TNK2: variants seen among roughly 807,000 people sequenced by gnomAD.
The protein encoded by TNK2 is tyrosine kinase non receptor 2.
TNK2 carries 83 observed loss-of-function variants against 101.8 expected under a neutral mutation model. The ratio of observed to expected loss-of-function variants is 0.82; its 90% CI spans 0.68 to 0.98. The LOEUF is 0.98. Among genes scored for constraint, TNK2 ranks in the 50% least tolerant of loss-of-function variants. TNK2 has a pLI of 0.00. For missense variants in TNK2, 1,665 were observed against 1,483.2 expected, an observed-to-expected ratio of 1.12 and a Z score of -2.01; for synonymous variants, 804 against 633.0, an observed-to-expected ratio of 1.27 and a Z score of -4.06.
chr3:195,867,170 T>C lies in TNK2; in HGVS notation c.3032A>G (p.Lys1011Arg). Reference sequence around the variant, plus strand: ...AGAGTGAGCAGGAGGTGGCGGTACCTTCAGATACTGGGCAGCCCTCTGCAC... The same window carrying C: ...AGAGTGAGCAGGAGGTGGCGGTACCCTCAGATACTGGGCAGCCCTCTGCAC... Reference protein sequence around the residue: ...WSVQRAAQYLKVEQLFGLGLR... With the variant: ...WSVQRAAQYLRVEQLFGLGLR... Residue 1011 changes from lysine to arginine, a missense_variant and splice_region_variant, in exon 14 of 16, where the codon AAG becomes AGG. Lys to Arg is a conservative substitution (Grantham distance 26). Coordinates refer to ENST00000672887, the MANE Select transcript of TNK2 (RefSeq NM_001382273.1). The C allele has an allele frequency of 6.2e-7, 1 of 1,612,726 alleles. No individual in the cohort carries two copies. The highest frequency in any genetic ancestry group is 8.5e-7 in the Non-Finnish European group (1 of 1,179,850).
intron 10 of TNK2, among the ~76,000 whole-genome samples, chr3:195,870,755 C>G (rs1744561467): frequency 6.6e-6 from 1 of 152,250 alleles, no homozygotes; most frequent in East Asian, 1.9e-4. Flanking sequence ...GCTGGGCTGG[C>G]CACAGCATGC....
Position 195,885,711 on chromosome 3 carries a change from G to C in TNK2, c.235-678C>G. ...GAAGGAAAAGTGGAGGAGACTCGGAGGCCAGGGTGGACAGGGAGGAGCCGA... is the reference window on the plus strand; with the variant it reads ...GAAGGAAAAGTGGAGGAGACTCGGACGCCAGGGTGGACAGGGAGGAGCCGA... On this transcript the variant is annotated intron_variant, in intron 3 of 15. Coordinates refer to ENST00000672887, the MANE Select transcript of TNK2 (RefSeq NM_001382273.1). The surrounding 1 kb of genome is among the most constrained non-coding windows in gnomAD (Gnocchi z 4.7). The C allele has an allele frequency of 1.5e-6, 1 of 646,668 alleles. No homozygotes were observed. The highest frequency in any genetic ancestry group is 2.7e-5 in the Admixed American group (1 of 36,370). 40.1% of individuals were successfully genotyped at this position (646,668 alleles called of 1,614,324 possible).
In TNK2 at chr3:195,905,441, C is replaced by T. The variant is rs190447348; in HGVS notation, c.-19+3044G>A. 7.8e-4 allele frequency among the ~76,000 whole-genome samples: 118 copies of T among 152,124 alleles called. 1 individual carries two copies. The highest frequency in any genetic ancestry group is 1.1e-3 in the Non-Finnish European group (73 of 67,992). ...GCCTTGAACTCCTGACCTCATGATC[C>T]GCCCGCCTCAGCCTCCCAAAGCACT... On this transcript the variant is annotated intron_variant, in intron 1 of 15. Coordinates refer to ENST00000672887, the MANE Select transcript of TNK2 (RefSeq NM_001382273.1).
rs113728103 is a variant in TNK2, at chr3:195,870,140, G to C, written c.1517C>G (p.Pro506Arg). Residue 506 changes from proline (P) to arginine (R), a missense_variant, in exon 11 of 16, where the codon CCC becomes CGC. Around this residue, in one of 3 missense-constraint regions of TNK2, gnomAD observed 1,136 missense variants for 894.9 expected, o/e 1.27. Transcript: ENST00000672887. ...TTTCACCCCTCCTAGATGCTGGGGG[G>C]GCCGGGAGGTGCTCAGTTCCACGCT... ...LLSVELSTSRPPQHLGGVKRE... is the reference protein window; with the variant it reads ...LLSVELSTSRRPQHLGGVKRE... The C allele has an allele frequency of 1.2e-5, 18 of 1,477,304 alleles. No individual in the cohort carries two copies. Among genetic ancestry groups the C allele is most frequent in the Admixed American group, 2.4e-5 (1 of 41,810 alleles). The allele number at this position is 1,477,304 out of a possible 1,614,324, so 91.5% of individuals were successfully genotyped here. A position where few individuals can be genotyped will look rare whatever the true frequency, so the allele number is the denominator to read the frequency against.
chr3:195,867,099 G>T, intron 14 of TNK2, 70 bp downstream of exon 14: 1 of 1,607,226 alleles, frequency 6.2e-7, no homozygotes, highest in African/African-American at 1.3e-5. Context: ...GCCAGGGGGC[G>T]TGGGGCTGGG....
rs943604573 is a variant in TNK2 at position 195,878,876 on chromosome 3, C to T, written c.1014+173G>A. 5.3e-5 allele frequency among the ~76,000 whole-genome samples: 8 copies of T among 152,158 alleles called. No individual in the cohort carries two copies. Among genetic ancestry groups the T allele is most frequent in the Non-Finnish European group, 1.0e-4 (7 of 68,004 alleles). ...GGCTCTCCCTGAGGCCATACAGATA[C>T]GGGGCGTGAGAGGAGACACGGGGCG... is the stretch of plus-strand genomic sequence containing the variant. On this transcript the variant is annotated intron_variant, in intron 7 of 15. Coordinates refer to ENST00000672887, the MANE Select transcript of TNK2 (RefSeq NM_001382273.1). The surrounding 1 kb of genome is among the most constrained non-coding windows in gnomAD (Gnocchi z 4.7).
chr3:195,877,383 C>A (rs184828117), intron 9 of TNK2, among the ~76,000 whole-genome samples: 1 of 152,294 alleles, frequency 6.6e-6, no homozygotes, highest in East Asian at 1.9e-4. Context: ...CCTCCACCCA[C>A]CCCCAAGAGG....
At chr3:195,883,128 G>GCCCCCCCCCACC in intron 5 of TNK2, 29 bp downstream of exon 5, 8 of 1,591,842 alleles carry the variant, frequency 5.0e-6, no homozygotes, top group Non-Finnish European at 6.0e-6. Flanking sequence ...CCCTCTCCCT[G>GCCCCCCCCCACC]CCCGCCCCCT....
At chr3:195,872,222 G>A in intron 10 of TNK2, 54 bp downstream of exon 10, 1 of 1,598,618 alleles carries the variant, frequency 6.3e-7, no homozygotes, top group Non-Finnish European at 8.5e-7. Flanking sequence ...CGTGCTGAGG[G>A]CCCTGGAGTC....
chr3:195,882,462 T>C lies in TNK2; in HGVS notation c.610-134A>G, dbSNP rs769922661. 1.0e-5 allele frequency: 16 copies of C among 1,548,730 alleles called. No individual in the cohort carries two copies. The South Asian group carries it at 1.9e-4, about 19-fold the overall frequency. On this transcript the variant is annotated intron_variant, in intron 5 of 15. Transcript: ENST00000672887. The surrounding 1 kb of genome is among the most constrained non-coding windows in gnomAD (Gnocchi z 4.2). ...GCACGCACCTTCCTGGCCTGCTGTC[T>C]GGGGACCTCTAGGAGTCCTGCAGTT...
chr3:195,885,443 C>G lies in TNK2; in HGVS notation c.235-410G>C. ...TCGATGGAGCCGCAGGGGCCCTCCA[C>G]AGACACCTCCTTGTCCATTTTTAGC... On this transcript the variant is annotated intron_variant, in intron 3 of 15. Transcript: ENST00000672887. This position sits in a 1 kb window ranked among gnomAD's most constrained non-coding sequence, Gnocchi z 4.7. 1 of 1,321,682 alleles carries G rather than the reference C, an allele frequency of 7.6e-7. No homozygotes were observed. The highest frequency in any genetic ancestry group is 9.9e-7 in the Non-Finnish European group (1 of 1,010,378). 81.9% of individuals were successfully genotyped at this position (1,321,682 alleles called of 1,614,324 possible).
chr3:195,904,597 GGA>G (rs1292203176), intron 1 of TNK2, among the ~76,000 whole-genome samples: 1 of 152,160 alleles, frequency 6.6e-6, no homozygotes, highest in African/African-American at 2.4e-5. Flanking sequence ...GAAAAGTCCT[GGA>G]GATGGATGCT....
At chr3:195,889,690 G>A (rs1276721681) in intron 1 of TNK2, among the ~76,000 whole-genome samples, 1 of 152,174 alleles carries the variant, frequency 6.6e-6, no homozygotes, top group African/African-American at 2.4e-5. Flanking sequence ...TGGTACCGGA[G>A]AGTGACCTCT....
intron 1 of TNK2, among the ~76,000 whole-genome samples, chr3:195,892,997 G>A (rs1294528209): frequency 6.6e-6 from 1 of 151,898 alleles, no homozygotes; most frequent in African/African-American, 2.4e-5. Context: ...TTCTACCCCA[G>A]CCCTCACAGT....
chr3:195,892,280 G>C, intron 1 of TNK2: 1 of 937,650 alleles, frequency 1.1e-6, no homozygotes, highest in Non-Finnish European at 1.5e-6. Context: ...CACTTGGCCC[G>C]GACTCCCCGT....
rs369166413 is a variant in TNK2, at chr3:195,864,139, G to A, written c.*42C>T. The stretch of plus-strand genomic sequence containing the variant: ...CACTCCTGGTGGACGGACAGGCTCA[G>A]GTGATTCCTTCAGGCAGGCCCTCTG... On this transcript the variant is annotated 3_prime_UTR_variant, in exon 16 of 16. Transcript: ENST00000672887. The A allele has an allele frequency of 1.9e-6, 3 of 1,613,730 alleles. No homozygotes were observed. Among genetic ancestry groups the A allele is most frequent in the East Asian group, 4.5e-5 (2 of 44,886 alleles).
intron 9 of TNK2, 191 bp from the exon 10 acceptor site, chr3:195,872,661 C>T (rs1390129413): frequency 6.6e-6 from 4 of 602,136 alleles, no homozygotes; most frequent in Non-Finnish European, 8.6e-6. Context: ...CCTGTTTGCA[C>T]ACGGCCTTAC....
intron 1 of TNK2, among the ~76,000 whole-genome samples, chr3:195,907,892 T>C (rs974743048): frequency 1.3e-5 from 2 of 152,116 alleles, no homozygotes; most frequent in Non-Finnish European, 1.5e-5. Flanking sequence ...CACCAGTTGC[T>C]CTCCCTCCTT....
Position 195,864,078 on chromosome 3 carries a change from C to A in TNK2, c.*103G>T. The A allele has an allele frequency of 6.6e-7, 1 of 1,507,896 alleles. No individual in the cohort carries two copies. Among genetic ancestry groups the A allele is most frequent in the South Asian group, 1.2e-5 (1 of 86,614 alleles). 93.4% of individuals were successfully genotyped at this position (1,507,896 alleles called of 1,614,324 possible). ...GCTCCATCCCCGGGAGCAGCAGGAGCAGCGGGTCCTCCAGGACTGGATGGG... is the reference window on the plus strand; with the variant it reads ...GCTCCATCCCCGGGAGCAGCAGGAGAAGCGGGTCCTCCAGGACTGGATGGG... On this transcript the variant is annotated 3_prime_UTR_variant, in exon 16 of 16. Transcript: ENST00000672887.
Sources: allele counts gnomAD v4.1 joint callset (sites outside exome capture counted in the v4.1 genomes callset), GRCh38; gene constraint gnomAD v4.1.1; regional missense constraint gnomAD v4.1.1; non-coding constraint Gnocchi (gnomAD v3.1); transcripts MANE v1.5; gene names NCBI Gene and HGNC (gene_info 2026-07-23, HGNC 2026-07-21).